Variants in SLC7A9 observed in about 807,000 individuals in gnomAD.
SLC7A9 encodes B(0,+)-type amino acid transporter 1.
A neutral mutation model predicts 54.1 loss-of-function variants in SLC7A9; 38 were observed. The observed-to-expected ratio is 0.70, with a 90% CI of 0.54 to 0.92. The LOEUF (loss-of-function observed/expected upper bound fraction) is 0.92. SLC7A9 is among the 40% of genes least tolerant of loss of function. The probability of loss-of-function intolerance (pLI) is 0.00; values close to 1 mark genes in which losing one functional copy is unlikely to be tolerated. For synonymous variants in SLC7A9, 264 were observed against 258.9 expected, an observed-to-expected ratio of 1.02 and a Z score of -0.19; for missense variants, 537 against 636.1, an observed-to-expected ratio of 0.84 and a Z score of 1.68.
At chr19:32,869,053 CAAAAAAAA>C (rs5827824) in intron 1 of SLC7A9, among the ~76,000 whole-genome samples, 2 of 108,674 alleles carry the variant, frequency 1.8e-5, no homozygotes, top group African/African-American at 3.2e-5. Context: ...ACTAAAAATG[CAAAAAAAA>C]AAAAAAAAAA....
chr19:32,854,567 A>T (rs1435822140), intron 9 of SLC7A9, among the ~76,000 whole-genome samples: 2 of 152,114 alleles, frequency 1.3e-5, no homozygotes, highest in African/African-American at 4.8e-5. Context: ...GCTCTGTAAC[A>T]TTGGTCTGGG....
intron 2 of SLC7A9, among the ~76,000 whole-genome samples, chr19:32,866,102 C>T (rs753252812): frequency 1.8e-4 from 28 of 152,290 alleles, no homozygotes; most frequent in Admixed American, 9.8e-4. Flanking sequence ...CTGAAGTTTC[C>T]AGCACCCATG....
rs774039569 is a variant in SLC7A9, at chr19:32,859,970, A to T, written c.750-6T>A. On this transcript the variant is annotated splice_polypyrimidine_tract_variant and splice_region_variant and intron_variant, in intron 7 of 12. Transcript: ENST00000023064. ...TAATGGCCAAAGGCAGGTTTCTGGG[A>T]GGGGCAATGACACGGAGACCCACGT... 42 of 1,613,920 alleles carry T rather than the reference A, an allele frequency of 2.6e-5. No homozygotes were observed. The highest frequency in any genetic ancestry group is 3.6e-5 in the Non-Finnish European group (42 of 1,179,980).
At chr19:32,866,408 G>A (rs1389159869) in intron 2 of SLC7A9, among the ~76,000 whole-genome samples, 2 of 152,140 alleles carry the variant, frequency 1.3e-5, no homozygotes, top group Admixed American at 6.5e-5. Context: ...CTGCCTGACT[G>A]AGGAGTAGAC....
chr19:32,858,475 G>A lies in SLC7A9; in HGVS notation c.942C>T (p.Ile314=), dbSNP rs150439306. Reference sequence around the variant, plus strand: ...TGAAGCAGGTCCCGTTAGCAGCACCGATGGTTGAAAATGCCACAAAAAGTG... The same window carrying A: ...TGAAGCAGGTCCCGTTAGCAGCACCAATGGTTGAAAATGCCACAAAAAGTG... ...IVPLFVAFST[I]GAANGTCFTA... The change falls in exon 9 of 13, where the codon ATC becomes ATT. Residue 314 remains isoleucine, a synonymous_variant. Coordinates refer to ENST00000023064, the MANE Select transcript of SLC7A9 (RefSeq NM_014270.5). 145 of 1,613,528 alleles carry A rather than the reference G, an allele frequency of 9.0e-5. No individual in the cohort carries two copies. The highest frequency in any genetic ancestry group is 6.6e-4 in the Middle Eastern group (4 of 6,062).
chr19:32,836,483 G>T (rs890326173), intron 11 of SLC7A9, among the ~76,000 whole-genome samples: 14 of 152,116 alleles, frequency 9.2e-5, no homozygotes, highest in Middle Eastern at 6.8e-3. Context: ...TGGTTGTTTT[G>T]ATTTCTGGGG....
chr19:32,866,711 G>A (rs896741633), intron 2 of SLC7A9, among the ~76,000 whole-genome samples: 1 of 152,186 alleles, frequency 6.6e-6, no homozygotes, highest in Non-Finnish European at 1.5e-5. Flanking sequence ...GGAAAGTGCT[G>A]CAGCCCATCG....
chr19:32,860,605 C>G lies in SLC7A9; in HGVS notation c.749+1G>C, dbSNP rs1060499787. The stretch of plus-strand genomic sequence containing the variant: ...GTCCTCTGCACTGATTCAGCTGTTA[C>G]CTGTAAGGGTTTCTAAGTTCTTCTG... On this transcript the variant is annotated splice_donor_variant, in intron 7 of 12. Coordinates refer to ENST00000023064, the MANE Select transcript of SLC7A9 (RefSeq NM_014270.5). LOFTEE classifies it high-confidence loss of function. 1.9e-6 allele frequency: 3 copies of G among 1,614,138 alleles called. No individual in the cohort carries two copies. The highest frequency in any genetic ancestry group is 2.5e-6 in the Non-Finnish European group (3 of 1,180,022).
At chr19:32,852,405 A>G (rs938860880) in intron 9 of SLC7A9, among the ~76,000 whole-genome samples, 5 of 151,994 alleles carry the variant, frequency 3.3e-5, no homozygotes, top group Non-Finnish European at 7.4e-5. Context: ...TGGGAGGATC[A>G]CTTAAGCACA....
At chr19:32,849,506 C>T (rs1341105372) in intron 9 of SLC7A9, among the ~76,000 whole-genome samples, 12 of 151,750 alleles carry the variant, frequency 7.9e-5, no homozygotes, top group Admixed American at 7.9e-4. Context: ...CTGAATAGAC[C>T]AATAACAGGC....
chr19:32,837,364 G>A (rs1056053959), intron 11 of SLC7A9, among the ~76,000 whole-genome samples: 4 of 151,824 alleles, frequency 2.6e-5, no homozygotes, highest in African/African-American at 9.7e-5. Context: ...GTGTGGTGGC[G>A]TGCACCTGTG....
chr19:32,868,967 C>T (rs561520813), intron 1 of SLC7A9, among the ~76,000 whole-genome samples: 7 of 151,146 alleles, frequency 4.6e-5, no homozygotes, highest in East Asian at 3.9e-4. Context: ...CCAGCACTTT[C>T]GGAGGCCGAG....
intron 10 of SLC7A9, among the ~76,000 whole-genome samples, chr19:32,843,389 G>A (rs946391830): frequency 7.9e-5 from 12 of 152,056 alleles, no homozygotes; most frequent in Admixed American, 1.3e-4. Context: ...CCTGGGAGGC[G>A]GAGGATGCAG....
At chr19:32,866,824 CAGG>C (rs1185655936) in intron 2 of SLC7A9, among the ~76,000 whole-genome samples, 1 of 152,182 alleles carries the variant, frequency 6.6e-6, no homozygotes. Flanking sequence ...CCTCTGCTGC[CAGG>C]CATGGGAGCT....
chr19:32,860,470 C>CAA (rs5827823), intron 7 of SLC7A9, 136 bp downstream of exon 7: 10,997 of 1,349,764 alleles, frequency 8.1e-3, no homozygotes, highest in East Asian at 0.028. Flanking sequence ...GACTCTGTCT[C>CAA]AAAAAAAAAA....
chr19:32,847,681 G>A (rs903723878), intron 9 of SLC7A9, among the ~76,000 whole-genome samples: 1 of 152,106 alleles, frequency 6.6e-6, no homozygotes. Context: ...AGGAAATACA[G>A]AGAATGCCAC....
chr19:32,842,952 G>C (rs931847313), intron 10 of SLC7A9, among the ~76,000 whole-genome samples: 26 of 152,288 alleles, frequency 1.7e-4, no homozygotes, highest in Middle Eastern at 3.4e-3. Flanking sequence ...TAGAAGCTCA[G>C]GTCTAGTCTT....
At chr19:32,854,970 T>C (rs1473299666) in intron 9 of SLC7A9, among the ~76,000 whole-genome samples, 2 of 152,222 alleles carry the variant, frequency 1.3e-5, no homozygotes, top group Non-Finnish European at 2.9e-5. Context: ...TTGAATGAAT[T>C]GAAATCCACA....
rs75636704 is a variant in SLC7A9, at chr19:32,843,976, C to T, written c.978-25G>A. The T allele has an allele frequency of 2.2e-3, 3,398 of 1,555,804 alleles. 13 individuals are homozygous for T. Among genetic ancestry groups the T allele is most frequent in the African/African-American group, 0.016 (1,168 of 73,820 alleles). ...TCTGGAAAATAACGACACGGGAGTC[C>T]GCTGACCAGAGTGCAGACCATCTGT... On this transcript the variant is annotated intron_variant, in intron 9 of 12. Coordinates refer to ENST00000023064, the MANE Select transcript of SLC7A9 (RefSeq NM_014270.5).
Sources: gnomAD v4.1 joint callset for allele counts (sites outside exome capture counted in the v4.1 genomes callset) on GRCh38, gnomAD v4.1.1 for gene constraint, MANE v1.5 for transcripts, NCBI Gene and HGNC (gene_info 2026-07-23, HGNC 2026-07-21) for gene names.